CALN1: variants seen among roughly 807,000 people sequenced by gnomAD.
CALN1 encodes the protein calneuron 1, also known as calcium-binding protein 8.
A neutral mutation model predicts 30.6 loss-of-function variants in CALN1; 17 were observed. The ratio of observed to expected loss-of-function variants is 0.56; its 90% CI spans 0.38 to 0.83. The LOEUF (loss-of-function observed/expected upper bound fraction) is 0.83, where lower values mean the gene tolerates loss of function less well. Among genes scored for constraint, CALN1 ranks in the 40% least tolerant of loss-of-function variants. The pLI, the probability that CALN1 is intolerant of heterozygous loss-of-function variation, is 0.00. For synonymous variants in CALN1, 156 were observed against 131.4 expected, an observed-to-expected ratio of 1.19 and a Z score of -1.28; for missense variants, 291 against 354.9, an observed-to-expected ratio of 0.82 and a Z score of 1.45.
chr7:71,994,160 C>G (rs1799115310), intron 5 of CALN1, among the ~76,000 whole-genome samples: 1 of 151,876 alleles, frequency 6.6e-6, no homozygotes, highest in African/African-American at 2.4e-5. Flanking sequence ...ATTAACAATT[C>G]AGATGTAAGA....
At chr7:72,369,359 T>TTTTTTTTTTGTTG (rs3030372) in intron 2 of CALN1, among the ~76,000 whole-genome samples, 2 of 146,714 alleles carry the variant, frequency 1.4e-5, no homozygotes, top group African/African-American at 5.0e-5. Context: ...TATTTATTTT[T>TTTTTTTTTTGTTG]TTGTTGTTGT....
chr7:72,120,448 T>G (rs1024708119), intron 3 of CALN1, among the ~76,000 whole-genome samples: 1 of 152,154 alleles, frequency 6.6e-6, no homozygotes, highest in Admixed American at 6.5e-5. Context: ...ACCAAACTCC[T>G]ATTGTGGGAT....
intron 5 of CALN1, among the ~76,000 whole-genome samples, chr7:71,856,810 C>G (rs1156423109): frequency 6.6e-6 from 1 of 152,044 alleles, no homozygotes; most frequent in African/African-American, 2.4e-5. Context: ...CAAAAATTAG[C>G]TGGGTTTGGT....
At chr7:72,472,094 C>G in the CALN1 span, among the ~76,000 whole-genome samples, 1 of 152,160 alleles carries the variant, frequency 6.6e-6, no homozygotes, top group Non-Finnish European at 1.5e-5. Context: ...CTGCGCCCAG[C>G]CAAGGAGGTC....
At chr7:72,389,569 G>A (rs150086501) in intron 2 of CALN1, among the ~76,000 whole-genome samples, 32 of 152,272 alleles carry the variant, frequency 2.1e-4, no homozygotes, top group Non-Finnish European at 3.4e-4. Context: ...GAAGTCAAAT[G>A]ACTGTTGTTA....
intron 4 of CALN1, among the ~76,000 whole-genome samples, chr7:72,077,236 A>T (rs1046081349): frequency 1.3e-5 from 2 of 152,088 alleles, no homozygotes; most frequent in African/African-American, 4.8e-5. Context: ...ATCAAACAGG[A>T]GGACACTAGC....
intron 2 of CALN1, among the ~76,000 whole-genome samples, chr7:72,357,998 G>A (rs1035987348): frequency 1.3e-5 from 2 of 151,090 alleles, no homozygotes; most frequent in Non-Finnish European, 1.5e-5. Context: ...GTAGAGATGG[G>A]GTTTTGTATT....
chr7:72,375,579 AAAAG>A, intron 2 of CALN1, among the ~76,000 whole-genome samples: 1 of 151,390 alleles, frequency 6.6e-6, no homozygotes, highest in African/African-American at 2.4e-5. Flanking sequence ...AAAAAAAAAA[AAAAG>A]AAAAGGAAAA....
intron 3 of CALN1, among the ~76,000 whole-genome samples, chr7:72,171,799 C>T (rs1431015555): frequency 6.6e-6 from 1 of 152,128 alleles, no homozygotes; most frequent in African/African-American, 2.4e-5. Context: ...AGGATCAGAG[C>T]ATTTAAATTT....
At chr7:72,205,494 C>CA (rs1791761243) in intron 3 of CALN1, among the ~76,000 whole-genome samples, 3 of 143,430 alleles carry the variant, frequency 2.1e-5, no homozygotes, top group South Asian at 2.2e-4. Flanking sequence ...TGAGCCACCA[C>CA]ACCCAGCCTT....
At chr7:71,936,756 C>T (rs1431643942) in intron 5 of CALN1, among the ~76,000 whole-genome samples, 3 of 152,154 alleles carry the variant, frequency 2.0e-5, no homozygotes, top group Non-Finnish European at 4.4e-5. Context: ...CCACCCAAAT[C>T]TCATCTTGAA....
intron 2 of CALN1, among the ~76,000 whole-genome samples, chr7:72,313,899 A>G (rs919337661): frequency 6.6e-6 from 1 of 152,186 alleles, no homozygotes; most frequent in African/African-American, 2.4e-5. Context: ...GGAAGGCACA[A>G]AGAAGAGGGA....
At chr7:72,334,248 A>G (rs1375800661) in intron 2 of CALN1, among the ~76,000 whole-genome samples, 2 of 152,346 alleles carry the variant, frequency 1.3e-5, no homozygotes, top group East Asian at 3.9e-4. Flanking sequence ...AATGAGAACC[A>G]GTGCCCCCTT....
chr7:72,470,232 T>C, the CALN1 span, among the ~76,000 whole-genome samples: 1 of 152,172 alleles, frequency 6.6e-6, no homozygotes, highest in African/African-American at 2.4e-5. Flanking sequence ...GAATTACATA[T>C]GTGCAGTAAT....
intron 2 of CALN1, among the ~76,000 whole-genome samples, chr7:72,322,322 G>T (rs114881714): frequency 6.6e-6 from 1 of 152,106 alleles, no homozygotes; most frequent in African/African-American, 2.4e-5. Context: ...TCAGGTTTAC[G>T]GTAATGTAAG....
At chr7:71,809,737 C>G (rs10265382) in intron 6 of CALN1, among the ~76,000 whole-genome samples, 1 of 151,778 alleles carries the variant, frequency 6.6e-6, no homozygotes, top group African/African-American at 2.4e-5. Context: ...AAAAAAATAA[C>G]CTTTCATGGG....
chr7:72,412,347 G>C (rs1056771897), upstream of CALN1: 1 of 152,100 alleles, frequency 6.6e-6, no homozygotes, highest in Non-Finnish European at 1.5e-5. Context: ...TCCCCAGCGG[G>C]CTCGGGGAGC....
chr7:71,999,974 A>C (rs990409090), intron 5 of CALN1, among the ~76,000 whole-genome samples: 2 of 152,206 alleles, frequency 1.3e-5, no homozygotes, highest in African/African-American at 4.8e-5. Flanking sequence ...ACACCAGGAA[A>C]ACCTCTAAAT....
chr7:71,885,832 T>G (rs1451328767), intron 5 of CALN1, among the ~76,000 whole-genome samples: 1 of 152,222 alleles, frequency 6.6e-6, no homozygotes, highest in Non-Finnish European at 1.5e-5. Flanking sequence ...ATTTTCATCC[T>G]TTCCCCTCTT....
Sources: allele counts gnomAD v4.1 joint callset (sites outside exome capture counted in the v4.1 genomes callset), GRCh38; gene constraint gnomAD v4.1.1; transcripts MANE v1.5; gene names NCBI Gene and HGNC (gene_info 2026-07-23, HGNC 2026-07-21).